ANK3: variants seen among roughly 807,000 people sequenced by gnomAD.
ANK3 encodes the protein ankyrin-3.
A neutral mutation model predicts 370.9 loss-of-function variants in ANK3; 57 were observed. The ratio of observed to expected loss-of-function variants is 0.15; its 90% CI spans 0.12 to 0.19. The LOEUF is 0.19. Ranked by LOEUF, ANK3 falls within the 10% of genes least tolerant of loss-of-function variation. The pLI, the probability that ANK3 is intolerant of heterozygous loss-of-function variation, is 1.00. For missense variants in ANK3, 4,439 were observed against 5,302.1 expected (o/e 0.84, Z 5.06); for synonymous variants, 1,929 against 1,946.3 (o/e 0.99, Z 0.23).
chr10:60,503,309 A>T (rs2075853615), intron 2 of ANK3, among the ~76,000 whole-genome samples: 1 of 152,212 alleles, frequency 6.6e-6, no homozygotes. Flanking sequence ...AAAGGGAACA[A>T]CCATTAGTTA....
At chr10:60,693,895 T>C (rs7082021) in intron 1 of ANK3, among the ~76,000 whole-genome samples, 100,888 of 151,426 alleles carry the variant, frequency 0.67, 33,775 homozygotes, top group South Asian at 0.83. Context: ...CAAAGCTGGA[T>C]GGAGAATGAC....
upstream of ANK3, among the ~76,000 whole-genome samples, chr10:60,393,193 G>A (rs1408426700): frequency 6.6e-6 from 1 of 152,106 alleles, no homozygotes; most frequent in Non-Finnish European, 1.5e-5. Context: ...TGGCTGAATG[G>A]AAAAATGGTA....
At position 60,636,660 on chromosome 10, in the gene ANK3, G is replaced by A. The variant is rs190689735; in HGVS notation, c.58-21436C>T. 2.6e-3 allele frequency among the ~76,000 whole-genome samples: 393 copies of A among 152,306 alleles called. 3 individuals carry two copies. The highest frequency in any genetic ancestry group is 8.9e-3 in the African/African-American group (369 of 41,574). The stretch of plus-strand genomic sequence containing the variant: ...CAGGCAGGGCTATGCCTGCACTGAA[G>A]TGCAATGTCTACTGCTTAGATGACA... On this transcript the variant is annotated intron_variant, in intron 1 of 43. Coordinates refer to the ANK3 transcript ENST00000373827.
Position 60,071,542 on chromosome 10 carries a change from A to T in ANK3, c.9339T>A (p.Gly3113=). 1 of 1,613,620 alleles carries T rather than the reference A, an allele frequency of 6.2e-7. No individual in the cohort carries two copies. The highest frequency in any genetic ancestry group is 1.7e-4 in the Middle Eastern group (1 of 6,060). ...ATTCCTGACTTATGATTTTTTTTAC[A>T]CCTCCTTGTTGTATCTCCTTTTCAT... ...KQYEKEIQQG[G]VKKIISQECK... Residue 3113 remains glycine (G), a synonymous_variant, in exon 37 of 44, where the codon GGT becomes GGA. Transcript: ENST00000280772.
chr10:60,284,888 G>T (rs371917803), intron 1 of ANK3, among the ~76,000 whole-genome samples: 6 of 152,162 alleles, frequency 3.9e-5, no homozygotes, highest in African/African-American at 1.4e-4. Flanking sequence ...CCAGCTACCT[G>T]TGAGCCATGT....
intron 2 of ANK3, among the ~76,000 whole-genome samples, chr10:60,530,055 C>A (rs1210070631): frequency 6.6e-6 from 1 of 152,156 alleles, no homozygotes. Flanking sequence ...CTCCCTCTGG[C>A]CTGACCCCTT....
chr10:60,427,636 C>T (rs2063918418), intron 2 of ANK3, among the ~76,000 whole-genome samples: 2 of 151,830 alleles, frequency 1.3e-5, no homozygotes, highest in Admixed American at 1.3e-4. Flanking sequence ...AATATGAATG[C>T]CATTTTGATT....
At chr10:60,162,020 C>G (rs192265533) in intron 23 of ANK3, among the ~76,000 whole-genome samples, 1 of 152,022 alleles carries the variant, frequency 6.6e-6, no homozygotes, top group Non-Finnish European at 1.5e-5. Context: ...CACATATACC[C>G]CATAAATATG....
chr10:60,669,031 G>A (rs1482527575), intron 1 of ANK3, among the ~76,000 whole-genome samples: 1 of 152,066 alleles, frequency 6.6e-6, no homozygotes, highest in African/African-American at 2.4e-5. Context: ...AATTGACACT[G>A]TGACAGCTGT....
intron 1 of ANK3, among the ~76,000 whole-genome samples, chr10:60,363,098 G>GGGGGCGC (rs1458555219): frequency 2.9e-5 from 4 of 138,994 alleles, no homozygotes; most frequent in Admixed American, 2.8e-4. Context: ...GAGGGGGGCG[G>GGGGGCGC]GGGGCGCAAT....
intron 1 of ANK3, among the ~76,000 whole-genome samples, chr10:60,369,580 A>T (rs1223412838): frequency 2.0e-5 from 3 of 152,192 alleles, no homozygotes; most frequent in East Asian, 3.8e-4. Context: ...CACAGATACA[A>T]CAAGACACAA....
At chr10:60,416,862 A>G (rs10821757) in intron 2 of ANK3, among the ~76,000 whole-genome samples, 54,518 of 151,984 alleles carry the variant, frequency 0.36, 10,173 homozygotes, top group South Asian at 0.42. Context: ...ATTTGTTACA[A>G]TCCATGAAAC....
At chr10:60,495,209 A>G (rs913827353) in intron 2 of ANK3, among the ~76,000 whole-genome samples, 1 of 152,178 alleles carries the variant, frequency 6.6e-6, no homozygotes, top group East Asian at 1.9e-4. Context: ...ATAAACCAAG[A>G]CTAAAATTTC....
At position 60,187,465 on chromosome 10, in the gene ANK3, A is replaced by C. The variant is rs145022907; in HGVS notation, c.1888-553T>G. Among the ~76,000 whole-genome samples the C allele has an allele frequency of 3.8e-3, 583 of 152,236 alleles. 3 individuals are homozygous for C. Among genetic ancestry groups the C allele is most frequent in the African/African-American group, 0.013 (559 of 41,544 alleles). On this transcript the variant is annotated intron_variant, in intron 16 of 43. Coordinates refer to ENST00000280772, the MANE Select transcript of ANK3 (RefSeq NM_020987.5). ...TCACTGCGCCCGGCTTAATATGGAC[A>C]TTTTAATCAAAAAGAGTTAGAGCAT...
intron 2 of ANK3, among the ~76,000 whole-genome samples, chr10:60,496,322 T>A (rs1436989371): frequency 6.6e-6 from 1 of 152,154 alleles, no homozygotes; most frequent in East Asian, 1.9e-4. Flanking sequence ...TAAACCAACC[T>A]ACTCATAACA....
intron 1 of ANK3, among the ~76,000 whole-genome samples, chr10:60,620,497 T>C (rs527883921): frequency 2.6e-4 from 40 of 152,182 alleles, no homozygotes; most frequent in Non-Finnish European, 5.3e-4. Flanking sequence ...ATAAGTAACT[T>C]ACCCAAAGTT....
rs1218438381 is a variant in ANK3 at position 60,070,592 on chromosome 10, C to T, written c.10289G>A (p.Ser3430Asn). 1.2e-6 allele frequency: 2 copies of T among 1,614,148 alleles called. No individual in the cohort carries two copies. Among genetic ancestry groups the T allele is most frequent in the Admixed American group, 1.7e-5 (1 of 60,004 alleles). The change falls in exon 37 of 44, where the codon AGT becomes AAT. Residue 3430 changes from serine to asparagine, a missense_variant. Ser to Asn is a conservative substitution (Grantham distance 46). Around this residue, in one of 13 missense-constraint regions of ANK3, gnomAD observed 1,601 missense variants for 1,731.7 expected, o/e 0.92. Coordinates refer to ENST00000280772, the MANE Select transcript of ANK3 (RefSeq NM_020987.5). This position sits in a 1 kb window ranked among gnomAD's most constrained non-coding sequence, Gnocchi z 5.7. ...LQDEDDGLTE[S>N]DSKLPIQAME... ...GGCTTGAATTGGGAGTTTAGAATCA[C>T]TCTCTGTCAAGCCATCATCTTCATC...
chr10:60,283,121 C>T (rs996852408), intron 1 of ANK3, among the ~76,000 whole-genome samples: 1 of 152,164 alleles, frequency 6.6e-6, no homozygotes, highest in Non-Finnish European at 1.5e-5. Context: ...TTCTTACTCT[C>T]TCTCCTCTAA....
chr10:60,687,483 T>G (rs987220926), intron 1 of ANK3, among the ~76,000 whole-genome samples: 2 of 151,286 alleles, frequency 1.3e-5, no homozygotes, highest in Admixed American at 6.6e-5. Flanking sequence ...GAAATTCAAA[T>G]CAAAACCACA....
Sources: allele counts gnomAD v4.1 joint callset (sites outside exome capture counted in the v4.1 genomes callset), GRCh38; gene constraint gnomAD v4.1.1; regional missense constraint gnomAD v4.1.1; non-coding constraint Gnocchi (gnomAD v3.1); transcripts MANE v1.5; gene names NCBI Gene and HGNC (gene_info 2026-07-23, HGNC 2026-07-21).